The following MAP3K1 variants were observed in gnomAD, a reference collection of about 807,000 sequenced individuals.
MAP3K1 encodes the protein mitogen-activated protein kinase kinase kinase 1.
A neutral mutation model predicts 144.2 loss-of-function variants in MAP3K1; 36 were observed. The ratio of observed to expected loss-of-function variants is 0.25; its 90% CI spans 0.19 to 0.33. The LOEUF (loss-of-function observed/expected upper bound fraction) is 0.33, where lower values mean the gene tolerates loss of function less well. Among genes scored for constraint, MAP3K1 ranks in the 10% least tolerant of loss-of-function variants. The pLI is 1.00. For synonymous variants in MAP3K1, 718 were observed against 688.7 expected (o/e 1.04, Z -0.67); for missense variants, 1,650 against 1,881.9 (o/e 0.88, Z 2.28).
intron 6 of MAP3K1, among the ~76,000 whole-genome samples, chr5:56,871,494 A>G (rs1483932340): frequency 6.6e-6 from 1 of 152,156 alleles, no homozygotes; most frequent in African/African-American, 2.4e-5. Flanking sequence ...TGAAATAGGC[A>G]TTTAAATTTA....
At chr5:56,844,022 A>G (rs564870658) in intron 1 of MAP3K1, among the ~76,000 whole-genome samples, 30 of 152,282 alleles carry the variant, frequency 2.0e-4, no homozygotes, top group African/African-American at 6.7e-4. Flanking sequence ...GAGGAATGCT[A>G]CATACCTTCT....
In MAP3K1 at chr5:56,881,193, CTGT is replaced by C; in HGVS notation, c.2296_2298del (p.Leu766del). 1 of 1,613,568 alleles carries C rather than the reference CTGT, an allele frequency of 6.2e-7. No homozygotes were observed. Among genetic ancestry groups the C allele is most frequent in the Non-Finnish European group, 8.5e-7 (1 of 1,179,714 alleles). ...TGGCCGCCTTTGTCTTATAGATAGACTGTTGTTGGAATTTCCTGCTGAATTTTA... is the reference window on the plus strand; with the variant it reads ...TGGCCGCCTTTGTCTTATAGATAGACTGTTGGAATTTCCTGCTGAATTTTA... On this transcript the variant is annotated inframe_deletion, in exon 13 of 20. Transcript: ENST00000399503.
At chr5:56,853,706 T>C (rs1183042904) in intron 1 of MAP3K1, among the ~76,000 whole-genome samples, 1 of 151,232 alleles carries the variant, frequency 6.6e-6, no homozygotes, top group African/African-American at 2.4e-5. Context: ...ATCTAGAGAG[T>C]GGGTAGAAAT....
Position 56,871,770 on chromosome 5 carries a change from T to C in MAP3K1, c.1302-140T>C, listed in dbSNP as rs1024415378. On this transcript the variant is annotated intron_variant, in intron 6 of 19. Coordinates refer to ENST00000399503, the MANE Select transcript of MAP3K1 (RefSeq NM_005921.2). The stretch of plus-strand genomic sequence containing the variant: ...AATTACTGTATATTAATAGTGTAAA[T>C]ATGTATCTCTTAGTTATATAAGATG... The C allele has an allele frequency of 2.1e-5, 15 of 707,622 alleles. No homozygotes were observed. In the African/African-American group the frequency reaches 2.3e-4, roughly 11 times the overall value. 43.8% of individuals were successfully genotyped at this position (707,622 alleles called of 1,614,324 possible).
In MAP3K1 at chr5:56,875,125, G is replaced by T. The variant is rs922852018; in HGVS notation, c.1780G>T (p.Ala594Ser). The change falls in exon 10 of 20, where the codon GCC (alanine) becomes TCC (serine). Residue 594 changes from alanine to serine, a missense_variant. Around this residue, in one of 6 missense-constraint regions of MAP3K1, gnomAD observed 841 missense variants for 886.5 expected, o/e 0.95. Coordinates refer to ENST00000399503, the MANE Select transcript of MAP3K1 (RefSeq NM_005921.2). Reference sequence around the variant, plus strand: ...GCGTCTTTCCCATGATGTCAGTGGGGCCCTGCTGTTGGCAAATGGGGAGAG... The same window carrying T: ...GCGTCTTTCCCATGATGTCAGTGGGTCCCTGCTGTTGGCAAATGGGGAGAG... ...LRRLSHDVSG[A>S]LLLANGESTG... 4.3e-6 allele frequency: 7 copies of T among 1,614,084 alleles called. No homozygotes were observed. The Admixed American group carries it at 1.0e-4, about 23-fold the overall frequency.
At chr5:56,877,829 T>A (rs1227059341) in intron 10 of MAP3K1, among the ~76,000 whole-genome samples, 1 of 152,194 alleles carries the variant, frequency 6.6e-6, no homozygotes, top group African/African-American at 2.4e-5. Context: ...CATGTCCCCT[T>A]AATGTCTTCT....
At chr5:56,855,876 G>A (rs1747328856) in intron 1 of MAP3K1, among the ~76,000 whole-genome samples, 1 of 152,168 alleles carries the variant, frequency 6.6e-6, no homozygotes, top group Non-Finnish European at 1.5e-5. Flanking sequence ...ATGCATGTAT[G>A]CTCATGTGGA....
Position 56,871,894 on chromosome 5 carries a change from T to C in MAP3K1, c.1302-16T>C. The C allele has an allele frequency of 1.2e-6, 2 of 1,613,180 alleles. No homozygotes were observed. The highest frequency in any genetic ancestry group is 1.7e-5 in the Admixed American group (1 of 60,026). On this transcript the variant is annotated splice_polypyrimidine_tract_variant and intron_variant, in intron 6 of 19. Transcript: ENST00000399503. The stretch of plus-strand genomic sequence containing the variant: ...ATTCTTTTATGCTTAATACTTTTTC[T>C]TCCCCTTTTCTATAGCATAAAGGAT...
At chr5:56,844,229 G>T (rs186979019) in intron 1 of MAP3K1, among the ~76,000 whole-genome samples, 1 of 115,010 alleles carries the variant, frequency 8.7e-6, no homozygotes, top group African/African-American at 3.3e-5. Context: ...TCGCTCTGTC[G>T]CCCAGGCTGG....
At chr5:56,827,724 C>T (rs546640874) in intron 1 of MAP3K1, among the ~76,000 whole-genome samples, 21 of 152,182 alleles carry the variant, frequency 1.4e-4, no homozygotes, top group African/African-American at 4.6e-4. Flanking sequence ...ATTAGCCGGG[C>T]TTGGTGGTGT....
intron 19 of MAP3K1, among the ~76,000 whole-genome samples, chr5:56,890,134 C>T (rs892357496): frequency 1.3e-5 from 2 of 152,146 alleles, no homozygotes; most frequent in African/African-American, 4.8e-5. Flanking sequence ...ATCTTGCTGC[C>T]TCTTTCAAAC....
chr5:56,882,995 C>T, intron 14 of MAP3K1, 129 bp downstream of exon 14: 1 of 729,202 alleles, frequency 1.4e-6, no homozygotes. Flanking sequence ...TCGAAACTAG[C>T]CTGGTCAACA....
chr5:56,865,002 A>G lies in MAP3K1; in HGVS notation c.1035+68A>G, dbSNP rs572666105. 4.8e-4 allele frequency: 652 copies of G among 1,360,742 alleles called. 6 individuals carry two copies. The South Asian group carries it at 7.2e-3, about 15-fold the overall frequency. The allele number at this position is 1,360,742 out of a possible 1,614,324, so 84.3% of individuals were successfully genotyped here. A position where few individuals can be genotyped will look rare whatever the true frequency, so the allele number is the denominator to read the frequency against. The stretch of plus-strand genomic sequence containing the variant: ...TGGTACTACCTCAAATTTATATACT[A>G]TAATGTTCTTAAATTTAGATCAATT... On this transcript the variant is annotated intron_variant, in intron 4 of 19. Transcript: ENST00000399503.
chr5:56,817,751 C>T (rs1282821910), intron 1 of MAP3K1, among the ~76,000 whole-genome samples: 1 of 152,080 alleles, frequency 6.6e-6, no homozygotes, highest in Non-Finnish European at 1.5e-5. Context: ...CTATTGAGAC[C>T]TAACTTTTTG....
chr5:56,891,178 T>A (rs1047561468), intron 19 of MAP3K1, among the ~76,000 whole-genome samples: 1 of 136,082 alleles, frequency 7.3e-6, no homozygotes, highest in African/African-American at 2.9e-5. Context: ...CACACACAAA[T>A]CATCAGTAAG....
At position 56,859,743 on chromosome 5, in the gene MAP3K1, A is replaced by G; in HGVS notation, c.662A>G (p.Asp221Gly). 1 of 1,614,048 alleles carries G rather than the reference A, an allele frequency of 6.2e-7. No individual in the cohort carries two copies. The highest frequency in any genetic ancestry group is 8.5e-7 in the Non-Finnish European group (1 of 1,179,994). The part of the protein sequence containing the change: ...VVVKPIPVKG[D>G]GSEMNHLAAE... ...GTAAAACCAATCCCAGTTAAAGGAGATGGATCTGAAATGAATCACTTAGCA... is the reference window on the plus strand; with the variant it reads ...GTAAAACCAATCCCAGTTAAAGGAGGTGGATCTGAAATGAATCACTTAGCA... The change falls in exon 3 of 20, where the codon GAT becomes GGT. Residue 221 changes from aspartate (D) to glycine (G), a missense_variant. Physicochemically the swap from Asp to Gly is moderately conservative, Grantham distance 94. Around this residue, in one of 6 missense-constraint regions of MAP3K1, gnomAD observed 148 missense variants for 177.2 expected, o/e 0.84. Transcript: ENST00000399503.
chr5:56,857,559 A>G (rs561476679), intron 2 of MAP3K1, among the ~76,000 whole-genome samples: 3 of 152,334 alleles, frequency 2.0e-5, no homozygotes, highest in African/African-American at 7.2e-5. Flanking sequence ...CACCCCTGCC[A>G]AGTGATTGTC....
intron 11 of MAP3K1, among the ~76,000 whole-genome samples, chr5:56,879,681 A>G (rs1748147860): frequency 6.6e-6 from 1 of 152,234 alleles, no homozygotes; most frequent in Non-Finnish European, 1.5e-5. Context: ...CAATGACAGT[A>G]AAGATGAGTA....
intron 1 of MAP3K1, among the ~76,000 whole-genome samples, chr5:56,834,350 T>G (rs1746581368): frequency 6.6e-6 from 1 of 152,226 alleles, no homozygotes; most frequent in Admixed American, 6.5e-5. Flanking sequence ...TATTGATTAC[T>G]TGTAGCTAAT....
Sources: allele counts gnomAD v4.1 joint callset (sites outside exome capture counted in the v4.1 genomes callset), GRCh38; gene constraint gnomAD v4.1.1; regional missense constraint gnomAD v4.1.1; transcripts MANE v1.5; gene names NCBI Gene and HGNC (gene_info 2026-07-23, HGNC 2026-07-21).